The following TMEM212 variants were observed in gnomAD, a reference collection of about 807,000 sequenced individuals.
TMEM212 encodes transmembrane protein 212.
In TMEM212, 23 loss-of-function variants were observed where a neutral mutation model predicts 20.5. That is an observed-to-expected ratio of 1.12 (90% CI 0.81 to 1.59). The LOEUF (loss-of-function observed/expected upper bound fraction) is 1.59, where lower values mean the gene tolerates loss of function less well. Among genes scored for constraint, TMEM212 ranks in the 40% most tolerant of loss-of-function variants. TMEM212 has a pLI of 0.00. For synonymous variants in TMEM212, 76 were observed against 81.6 expected (o/e 0.93, Z 0.37); for missense variants, 211 against 215.0 (o/e 0.98, Z 0.12).
intron 4 of TMEM212, 73 bp from the exon 5 acceptor site, chr3:171,857,988 G>C (rs1294372972): frequency 6.6e-6 from 1 of 151,850 alleles, no homozygotes; most frequent in African/African-American, 2.4e-5. Context: ...CAGCATGGAG[G>C]TACTGCCCAA....
Position 171,858,379 on chromosome 3 carries a change from C to T in TMEM212, c.*322C>T, listed in dbSNP as rs1474974584. ...AAACTGGTTAGCCATATGTAGAAAG[C>T]TGAAACTGGATCCCTTCCTTACACC... On this transcript the variant is annotated 3_prime_UTR_variant, in exon 5 of 5. Coordinates refer to ENST00000334567, the MANE Select transcript of TMEM212 (RefSeq NM_001164436.2). 2 of 152,064 alleles carry T rather than the reference C, an allele frequency of 1.3e-5. No homozygotes were observed. The highest frequency in any genetic ancestry group is 2.9e-5 in the Non-Finnish European group (2 of 68,030). The allele number at this position is 152,064 out of a possible 1,614,324, so 9.4% of individuals were successfully genotyped here.
chr3:171,846,899 G>A (rs1399810171), intron 1 of TMEM212, among the ~76,000 whole-genome samples: 1 of 152,170 alleles, frequency 6.6e-6, no homozygotes, highest in Non-Finnish European at 1.5e-5. Flanking sequence ...TTCCTCCAGT[G>A]ACAAGATTTG....
chr3:171,848,207 G>A (rs1032419826), intron 1 of TMEM212, among the ~76,000 whole-genome samples: 7 of 152,090 alleles, frequency 4.6e-5, no homozygotes, highest in African/African-American at 1.7e-4. Context: ...AGATCTTGAT[G>A]AGATGCAGGT....
chr3:171,851,346 A>G, intron 1 of TMEM212, among the ~76,000 whole-genome samples: 1 of 152,154 alleles, frequency 6.6e-6, no homozygotes, highest in East Asian at 1.9e-4. Context: ...TTTTCATTCC[A>G]CACTGTGGGC....
chr3:171,855,279 TA>T (rs1225718282), intron 3 of TMEM212, among the ~76,000 whole-genome samples: 1 of 152,150 alleles, frequency 6.6e-6, no homozygotes, highest in Non-Finnish European at 1.5e-5. Context: ...ATTAATTATC[TA>T]AAGTAGGAAA....
intron 3 of TMEM212, among the ~76,000 whole-genome samples, chr3:171,854,864 T>C (rs1188438562): frequency 6.6e-6 from 1 of 152,156 alleles, no homozygotes; most frequent in African/African-American, 2.4e-5. Context: ...CTAAAATAAA[T>C]TGGCTTTGTT....
rs1211574645 is a variant in TMEM212 at position 171,851,375 on chromosome 3, A to G, written c.160-607A>G. 2.0e-5 allele frequency among the ~76,000 whole-genome samples: 3 copies of G among 152,148 alleles called. No homozygotes were observed. In the East Asian group the frequency reaches 5.8e-4, roughly 29 times the overall value. ...TGTGGGCCTTTTTCCTTCAACAGAG[A>G]CTATAAAGAAAAACTCTCTTTTGAA... On this transcript the variant is annotated intron_variant, in intron 1 of 4. Transcript: ENST00000334567.
At chr3:171,852,800 A>C (rs530476902) in intron 2 of TMEM212, among the ~76,000 whole-genome samples, 1 of 152,362 alleles carries the variant, frequency 6.6e-6, no homozygotes, top group East Asian at 1.9e-4. Context: ...ACATTATCTG[A>C]TTATAAATTT....
chr3:171,848,560 C>CATAGAATAGAATAGGATAGGATAGA (rs1553852833), intron 1 of TMEM212, among the ~76,000 whole-genome samples: 1 of 44,344 alleles, frequency 2.3e-5, no homozygotes, highest in Non-Finnish European at 4.2e-5. Context: ...ACAATAAATG[C>CATAGAATAGAATAGGATAGGATAGA]ATAGAATAGA....
intron 3 of TMEM212, 42 bp downstream of exon 3, chr3:171,853,892 G>C: frequency 7.0e-7 from 1 of 1,438,456 alleles, no homozygotes; most frequent in Non-Finnish European, 9.3e-7. Flanking sequence ...GTTCCATCTT[G>C]TATGCTAAAA....
Position 171,847,318 on chromosome 3 carries a change from C to T in TMEM212, c.159+3776C>T, listed in dbSNP as rs551914964. On this transcript the variant is annotated intron_variant, in intron 1 of 4. Coordinates refer to ENST00000334567, the MANE Select transcript of TMEM212 (RefSeq NM_001164436.2). ...GTGACTTGGCCAATGGCAAGTGCAG[C>T]GCTGTACCCAGAGCCCTGCTTAGAG... Among the ~76,000 whole-genome samples, 11 of 152,304 alleles carry T rather than the reference C, an allele frequency of 7.2e-5. No individual in the cohort carries two copies. In the East Asian group the frequency reaches 1.7e-3, roughly 24 times the overall value.
chr3:171,849,568 A>G (rs1724923760), intron 1 of TMEM212, among the ~76,000 whole-genome samples: 1 of 152,236 alleles, frequency 6.6e-6, no homozygotes, highest in African/African-American at 2.4e-5. Context: ...CACTCAATAC[A>G]TGTTAACATT....
intron 2 of TMEM212, among the ~76,000 whole-genome samples, chr3:171,852,626 T>C (rs1026551364): frequency 2.0e-5 from 3 of 152,240 alleles, no homozygotes; most frequent in Non-Finnish European, 2.9e-5. Flanking sequence ...AATGGATCTA[T>C]AGGCTTCTCT....
intron 3 of TMEM212, among the ~76,000 whole-genome samples, chr3:171,854,523 C>T (rs1307482920): frequency 1.3e-5 from 2 of 152,098 alleles, no homozygotes; most frequent in African/African-American, 4.8e-5. Flanking sequence ...AAAGGTATCC[C>T]ATAATCATAA....
chr3:171,857,292 G>A (rs1560328789), intron 4 of TMEM212, among the ~76,000 whole-genome samples: 1 of 152,004 alleles, frequency 6.6e-6, no homozygotes, highest in Non-Finnish European at 1.5e-5. Context: ...TGCATAATGA[G>A]GAATAATAGC....
At position 171,853,231 on chromosome 3, in the gene TMEM212, T is replaced by C. The variant is rs141306461; in HGVS notation, c.220-296T>C. 2.6e-5 allele frequency among the ~76,000 whole-genome samples: 4 copies of C among 152,112 alleles called. No homozygotes were observed. The East Asian group carries it at 7.7e-4, about 29-fold the overall frequency. Reference sequence around the variant, plus strand: ...GGTGCTGGGCTTAATACCTACGTGATAGGTTGATCTGTGCAGCAAATCGCT... The same window carrying C: ...GGTGCTGGGCTTAATACCTACGTGACAGGTTGATCTGTGCAGCAAATCGCT... On this transcript the variant is annotated intron_variant, in intron 2 of 4. Coordinates refer to ENST00000334567, the MANE Select transcript of TMEM212 (RefSeq NM_001164436.2).
At chr3:171,845,489 T>C (rs1338154724) in intron 1 of TMEM212, among the ~76,000 whole-genome samples, 2 of 152,244 alleles carry the variant, frequency 1.3e-5, no homozygotes, top group East Asian at 1.9e-4. Flanking sequence ...GCTGTTTGCC[T>C]ATCCTTTCAG....
At chr3:171,852,974 C>T (rs571387075) in intron 2 of TMEM212, among the ~76,000 whole-genome samples, 26 of 152,294 alleles carry the variant, frequency 1.7e-4, no homozygotes, top group South Asian at 1.0e-3. Flanking sequence ...AATGATGGAC[C>T]ACATCCTGAG....
At chr3:171,857,637 G>A (rs554737113) in intron 4 of TMEM212, among the ~76,000 whole-genome samples, 1 of 151,986 alleles carries the variant, frequency 6.6e-6, no homozygotes. Context: ...CCATATACAG[G>A]ACAAGGGATT....
Sources: allele counts gnomAD v4.1 joint callset (sites outside exome capture counted in the v4.1 genomes callset), GRCh38; gene constraint gnomAD v4.1.1; transcripts MANE v1.5; gene names NCBI Gene and HGNC (gene_info 2026-07-23, HGNC 2026-07-21).